FOCAD: variants seen among roughly 807,000 people sequenced by gnomAD.
FOCAD encodes KIAA1797.
Under a neutral mutation model 225.6 loss-of-function variants are expected in FOCAD, and 198 were observed. The observed-to-expected ratio is 0.88, with a 90% CI of 0.78 to 0.99. FOCAD has a LOEUF of 0.99. FOCAD is among the 50% of genes least tolerant of loss of function. The probability of loss-of-function intolerance (pLI) is 0.00; values close to 1 mark genes in which losing one functional copy is unlikely to be tolerated. For synonymous variants in FOCAD, 897 were observed against 755.0 expected, an observed-to-expected ratio of 1.19 and a Z score of -3.08; for missense variants, 2,713 against 2,123.6, an observed-to-expected ratio of 1.28 and a Z score of -5.46.
chr9:20,975,256 A>AT (rs1840129242), intron 35 of FOCAD, among the ~76,000 whole-genome samples: 1 of 152,130 alleles, frequency 6.6e-6, no homozygotes, highest in Admixed American at 6.6e-5. Context: ...GTTGCACCAT[A>AT]TGTTTGCACT....
rs747982178 is a variant in FOCAD at position 20,948,285 on chromosome 9, C to T, written c.3690C>T (p.Ala1230=). The T allele has an allele frequency of 6.2e-7, 1 of 1,606,570 alleles. No individual in the cohort carries two copies. The highest frequency in any genetic ancestry group is 8.5e-7 in the Non-Finnish European group (1 of 1,176,232). The change falls in exon 31 of 44, where the codon GCC becomes GCT. Residue 1230 remains alanine (A), a synonymous_variant. Transcript: ENST00000338382. The part of the protein sequence containing the change: ...VENSQQTSGF[A]LALGNIVHGL... The stretch of plus-strand genomic sequence containing the variant: ...ATTTATATCAGACTTCAGGTTTTGC[C>T]CTGGCTTTAGGAAACATAGTTCATG...
chr9:20,968,431 C>T (rs202087541), intron 35 of FOCAD, among the ~76,000 whole-genome samples: 37 of 43,614 alleles, frequency 8.5e-4, no homozygotes, highest in East Asian at 2.7e-3. Context: ...TTTTCTTATT[C>T]TTTTTTTTTT....
At chr9:20,679,986 C>T (rs144592800), upstream of FOCAD, among the ~76,000 whole-genome samples, 1 of 152,332 alleles carries the variant, frequency 6.6e-6, no homozygotes, top group East Asian at 1.9e-4. Flanking sequence ...AGTGAACCAG[C>T]TGTAGAGAGC....
chr9:20,872,551 T>G (rs1220701420), intron 18 of FOCAD, among the ~76,000 whole-genome samples: 5 of 137,084 alleles, frequency 3.6e-5, no homozygotes, highest in Admixed American at 7.7e-5. Flanking sequence ...CCTCCTCTTC[T>G]GCATGCCTAC....
intron 1 of FOCAD, among the ~76,000 whole-genome samples, chr9:20,691,991 C>A (rs1823008422): frequency 6.6e-6 from 1 of 152,084 alleles, no homozygotes; most frequent in Admixed American, 6.6e-5. Flanking sequence ...GAAAAATGAT[C>A]CACCCGCCTT....
chr9:20,865,194 T>C (rs1829118690), intron 16 of FOCAD, among the ~76,000 whole-genome samples: 1 of 152,048 alleles, frequency 6.6e-6, no homozygotes, highest in African/African-American at 2.4e-5. Flanking sequence ...GAGAGTGTGG[T>C]AGAGAAAATG....
intron 19 of FOCAD, among the ~76,000 whole-genome samples, chr9:20,877,707 C>A (rs575786969): frequency 6.6e-6 from 1 of 152,192 alleles, no homozygotes; most frequent in African/African-American, 2.4e-5. Flanking sequence ...ACCTCAAGCT[C>A]GAGACCAGCC....
chr9:20,989,956 G>A (rs1250424758), intron 41 of FOCAD, among the ~76,000 whole-genome samples, 167 bp from the exon 42 acceptor site: 1 of 152,192 alleles, frequency 6.6e-6, no homozygotes, highest in Non-Finnish European at 1.5e-5. Context: ...TGGAAACTGA[G>A]TTTACTGTTC....
At chr9:20,933,177 A>G (rs1835649690) in intron 28 of FOCAD, 74 bp downstream of exon 28, 3 of 1,006,276 alleles carry the variant, frequency 3.0e-6, no homozygotes, top group Non-Finnish European at 4.6e-6. Flanking sequence ...CTTGCATGCT[A>G]TGGAGAAATA....
chr9:20,789,307 T>C (rs1449240403), intron 10 of FOCAD, 44 bp from the exon 11 acceptor site: 5 of 1,586,206 alleles, frequency 3.2e-6, no homozygotes, highest in South Asian at 2.2e-5. Flanking sequence ...CTGACAAATA[T>C]ATTTATCTCA....
chr9:20,819,828 A>T lies in FOCAD; in HGVS notation c.1488A>T (p.Lys496Asn). 6.5e-7 allele frequency: 1 copy of T among 1,538,986 alleles called. No individual in the cohort carries two copies. The highest frequency in any genetic ancestry group is 8.7e-7 in the Non-Finnish European group (1 of 1,145,262). ...ATCTGATTCCAGTTTTGATGTTCAA[A>T]TTGGGAAGACCACTGGAACCTATAT... ...VPNLIPVLMF[K>N]LGRPLEPILY... Residue 496 changes from lysine (K) to asparagine (N), a missense_variant, in exon 12 of 44, where the codon AAA (lysine) becomes AAT (asparagine). Physicochemically the swap from Lys to Asn is moderately conservative, Grantham distance 94. Transcript: ENST00000338382.
intron 11 of FOCAD, among the ~76,000 whole-genome samples, chr9:20,801,950 G>T (rs550484369): frequency 2.6e-5 from 4 of 152,236 alleles, no homozygotes; most frequent in Non-Finnish European, 4.4e-5. Flanking sequence ...AGCACACAGT[G>T]CTTCTACCTG....
intron 5 of FOCAD, among the ~76,000 whole-genome samples, chr9:20,756,999 A>G (rs1829111950): frequency 6.6e-6 from 1 of 152,130 alleles, no homozygotes; most frequent in African/African-American, 2.4e-5. Context: ...GCATAATATC[A>G]GTTCACCGCA....
At chr9:20,899,181 GT>G (rs1278196706) in intron 21 of FOCAD, among the ~76,000 whole-genome samples, 1 of 151,850 alleles carries the variant, frequency 6.6e-6, no homozygotes, top group East Asian at 1.9e-4. Flanking sequence ...ATTTCAAAGT[GT>G]TTTTCCCCTC....
intron 21 of FOCAD, among the ~76,000 whole-genome samples, chr9:20,887,021 C>T (rs1044658321): frequency 6.6e-6 from 1 of 152,156 alleles, no homozygotes; most frequent in Non-Finnish European, 1.5e-5. Context: ...TCTTCTCTCC[C>T]AGGTTAATCA....
chr9:20,733,662 C>T (rs1196705574), intron 4 of FOCAD, among the ~76,000 whole-genome samples: 2 of 152,036 alleles, frequency 1.3e-5, no homozygotes, highest in African/African-American at 4.8e-5. Context: ...CAGTTTCATC[C>T]ATGTCCCTAA....
intron 11 of FOCAD, among the ~76,000 whole-genome samples, chr9:20,804,975 C>T (rs995256336): frequency 6.6e-6 from 1 of 152,094 alleles, no homozygotes; most frequent in African/African-American, 2.4e-5. Flanking sequence ...TCCCATTACA[C>T]CCTTCTTAAT....
intron 39 of FOCAD, among the ~76,000 whole-genome samples, chr9:20,984,921 C>T (rs916692264): frequency 1.3e-5 from 2 of 152,232 alleles, no homozygotes; most frequent in African/African-American, 2.4e-5. Context: ...CTGCCTCAGC[C>T]TCCAGAGTAG....
chr9:20,835,503 C>T (rs1825907707), intron 15 of FOCAD, among the ~76,000 whole-genome samples: 1 of 152,050 alleles, frequency 6.6e-6, no homozygotes, highest in Non-Finnish European at 1.5e-5. Context: ...TCAACCTGTG[C>T]TCCATGTTGT....
Sources: allele counts gnomAD v4.1 joint callset (sites outside exome capture counted in the v4.1 genomes callset), GRCh38; gene constraint gnomAD v4.1.1; transcripts MANE v1.5; gene names NCBI Gene and HGNC (gene_info 2026-07-23, HGNC 2026-07-21).